Variants in PLEKHA4 observed in about 807,000 individuals in gnomAD.
PLEKHA4 encodes pleckstrin homology domain-containing family A member 4.
In PLEKHA4, 73 loss-of-function variants were observed where a neutral mutation model predicts 94.7. The observed-to-expected ratio is 0.77, with a 90% CI of 0.64 to 0.94. The LOEUF is 0.94. Ranked by LOEUF, PLEKHA4 falls within the 40% of genes least tolerant of loss-of-function variation. The pLI is 0.00. For missense variants in PLEKHA4, 1,049 were observed against 1,054.1 expected (o/e 1.00, Z 0.07); for synonymous variants, 449 against 437.1 (o/e 1.03, Z -0.34).
At chr19:48,852,448 T>G (rs1237779432) in intron 12 of PLEKHA4, 122 bp from the exon 13 acceptor site, 2 of 702,236 alleles carry the variant, frequency 2.8e-6, no homozygotes, top group African/African-American at 3.6e-5. Flanking sequence ...CCTGCAGGCG[T>G]ATGGACTACA....
At chr19:48,848,097 G>A (rs1181018075) in intron 13 of PLEKHA4, 57 bp from the exon 14 acceptor site, 7 of 1,549,096 alleles carry the variant, frequency 4.5e-6, no homozygotes, top group Middle Eastern at 3.6e-4. Flanking sequence ...GAGGGTTTCA[G>A]CTAATAGGCC....
At position 48,845,757 on chromosome 19, in the gene PLEKHA4, G is replaced by A. The variant is rs187236040; in HGVS notation, c.1567-141C>T. The A allele has an allele frequency of 3.7e-4, 242 of 650,396 alleles. No individual in the cohort carries two copies. In the African/African-American group the frequency reaches 3.9e-3, roughly 11 times the overall value. The allele number at this position is 650,396 out of a possible 1,614,324, so 40.3% of individuals were successfully genotyped here. On this transcript the variant is annotated intron_variant, in intron 14 of 19. Coordinates refer to ENST00000263265, the MANE Select transcript of PLEKHA4 (RefSeq NM_020904.3). Reference sequence around the variant, plus strand: ...AGGCCGGGCGCAGTGGCTCACACCTGTAATCCCAGCGCTTTGGGAGGCCGA... The same window carrying A: ...AGGCCGGGCGCAGTGGCTCACACCTATAATCCCAGCGCTTTGGGAGGCCGA...
chr19:48,851,418 A>G (rs949600849), intron 13 of PLEKHA4, among the ~76,000 whole-genome samples: 2 of 151,782 alleles, frequency 1.3e-5, no homozygotes, highest in Admixed American at 1.3e-4. Context: ...GGAATTCAAG[A>G]CCAGCCTGAC....
Position 48,845,358 on chromosome 19 carries a change from C to G in PLEKHA4, c.1743+12G>C. On this transcript the variant is annotated intron_variant, in intron 16 of 19. Coordinates refer to ENST00000263265, the MANE Select transcript of PLEKHA4 (RefSeq NM_020904.3). Reference sequence around the variant, plus strand: ...TCAGATGCAAGGATTACAGGATGGACCTACAGCTTACCTTGGTTCCTAGCT... The same window carrying G: ...TCAGATGCAAGGATTACAGGATGGAGCTACAGCTTACCTTGGTTCCTAGCT... 1 of 1,611,538 alleles carries G rather than the reference C, an allele frequency of 6.2e-7. No homozygotes were observed. The highest frequency in any genetic ancestry group is 2.1e-4 in the Middle Eastern group (1 of 4,724).
chr19:48,848,089 G>A lies in PLEKHA4; in HGVS notation c.1426-49C>T, dbSNP rs563137668. 83 of 1,587,052 alleles carry A rather than the reference G, an allele frequency of 5.2e-5. No individual in the cohort carries two copies. The Admixed American group carries it at 9.7e-4, about 19-fold the overall frequency. On this transcript the variant is annotated intron_variant, in intron 13 of 19. Coordinates refer to ENST00000263265, the MANE Select transcript of PLEKHA4 (RefSeq NM_020904.3). Reference sequence around the variant, plus strand: ...TACTTAAAGGTGGGAAAACGCAGGAGGGTTTCAGCTAATAGGCCCCTGCAA... The same window carrying A: ...TACTTAAAGGTGGGAAAACGCAGGAAGGTTTCAGCTAATAGGCCCCTGCAA...
chr19:48,859,764 A>C, intron 6 of PLEKHA4, 80 bp from the exon 7 acceptor site: 1 of 1,318,080 alleles, frequency 7.6e-7, no homozygotes, highest in Admixed American at 2.2e-5. Flanking sequence ...TGAGAACACA[A>C]GGATGCACCC....
chr19:48,858,807 G>C, intron 8 of PLEKHA4, 53 bp downstream of exon 8: 8 of 1,599,644 alleles, frequency 5.0e-6, no homozygotes, highest in Non-Finnish European at 6.8e-6. Flanking sequence ...CGGAAAGACA[G>C]CCCTGAGGCC....
At chr19:48,849,179 T>TA (rs2036088682) in intron 13 of PLEKHA4, among the ~76,000 whole-genome samples, 1 of 152,178 alleles carries the variant, frequency 6.6e-6, no homozygotes. Context: ...GTGCTGGGAT[T>TA]ACAGGTGTGA....
chr19:48,841,401 A>T, intron 16 of PLEKHA4, 91 bp from the exon 17 acceptor site: 1 of 1,363,230 alleles, frequency 7.3e-7, no homozygotes. Flanking sequence ...CTGAGTAGAG[A>T]GGATCACTTG....
intron 17 of PLEKHA4, among the ~76,000 whole-genome samples, chr19:48,840,292 G>A (rs1294236718): frequency 6.6e-6 from 1 of 151,844 alleles, no homozygotes; most frequent in African/African-American, 2.4e-5. Context: ...GCATATCCCT[G>A]TAGTCCTAGC....
Position 48,847,330 on chromosome 19 carries a change from G to A in PLEKHA4, c.1566+570C>T, listed in dbSNP as rs143897772. ...ACGAGCCTGCGGTCCCAGCTACTCA[G>A]GAAGCTGAAGCAGGAGGATTGCTTG... On this transcript the variant is annotated intron_variant, in intron 14 of 19. Coordinates refer to ENST00000263265, the MANE Select transcript of PLEKHA4 (RefSeq NM_020904.3). Among the ~76,000 whole-genome samples the A allele has an allele frequency of 7.6e-4, 115 of 152,288 alleles. 1 individual carries two copies. The highest frequency in any genetic ancestry group is 2.7e-3 in the African/African-American group (111 of 41,568).
intron 3 of PLEKHA4, among the ~76,000 whole-genome samples, chr19:48,863,794 G>A (rs974914905): frequency 6.6e-6 from 1 of 152,014 alleles, no homozygotes; most frequent in Admixed American, 6.6e-5. Context: ...GGCTTGTCTC[G>A]AACTCTTGAC....
chr19:48,848,071 A>C (rs1424424749), intron 13 of PLEKHA4, 31 bp from the exon 14 acceptor site: 2 of 1,609,870 alleles, frequency 1.2e-6, no homozygotes, highest in Non-Finnish European at 8.5e-7. Context: ...TGTTACTTAA[A>C]GGTGGGAAAA....
At chr19:48,861,815 A>G (rs2036653163) in intron 3 of PLEKHA4, 123 bp from the exon 4 acceptor site, 6 of 895,240 alleles carry the variant, frequency 6.7e-6, no homozygotes, top group Non-Finnish European at 1.1e-5. Context: ...GAACAGAGAC[A>G]TAAAGTAGGG....
intron 12 of PLEKHA4, among the ~76,000 whole-genome samples, chr19:48,852,551 A>G (rs1031949619): frequency 1.3e-5 from 2 of 152,124 alleles, no homozygotes; most frequent in African/African-American, 4.8e-5. Flanking sequence ...GACAAATAAC[A>G]GCATTCCCTG....
Position 48,853,609 on chromosome 19 carries a change from G to A in PLEKHA4, c.1326+73C>T, listed in dbSNP as rs569655398. The A allele has an allele frequency of 3.2e-5, 44 of 1,383,726 alleles. No individual in the cohort carries two copies. The East Asian group carries it at 3.7e-4, about 12-fold the overall frequency. 85.7% of individuals were successfully genotyped at this position (1,383,726 alleles called of 1,614,324 possible). ...ACGATCTTCCTATGAGCCCTCTGGGGCAGGTCCCCTTCGTAACGACTTGCA... is the reference window on the plus strand; with the variant it reads ...ACGATCTTCCTATGAGCCCTCTGGGACAGGTCCCCTTCGTAACGACTTGCA... On this transcript the variant is annotated intron_variant, in intron 12 of 19. Transcript: ENST00000263265.
chr19:48,855,472 C>T (rs1304919394), intron 9 of PLEKHA4, among the ~76,000 whole-genome samples: 1 of 151,888 alleles, frequency 6.6e-6, no homozygotes, highest in Non-Finnish European at 1.5e-5. Flanking sequence ...GGCGTAGTGA[C>T]GGGCGCCTGT....
rs2036889361 is a variant in PLEKHA4 at position 48,867,968 on chromosome 19, C to A, written c.-7+115G>T. 2 of 250,740 alleles carry A rather than the reference C, an allele frequency of 8.0e-6. No homozygotes were observed. The highest frequency in any genetic ancestry group is 2.0e-4 in the South Asian group (2 of 10,130). The allele number at this position is 250,740 out of a possible 1,614,324, so 15.5% of individuals were successfully genotyped here. The stretch of plus-strand genomic sequence containing the variant: ...CTTCCGGCTGCCCCAGGCTACCTGT[C>A]TCCCGCCCTCCCACATGCACCCCCA... On this transcript the variant is annotated intron_variant, in intron 1 of 19. Coordinates refer to ENST00000263265, the MANE Select transcript of PLEKHA4 (RefSeq NM_020904.3). This position sits in a 1 kb window ranked among gnomAD's most constrained non-coding sequence, Gnocchi z 4.7.
At position 48,856,913 on chromosome 19, in the gene PLEKHA4, A is replaced by G. The variant is rs889519504; in HGVS notation, c.1047+509T>C. The stretch of plus-strand genomic sequence containing the variant: ...GACCCCGTCTCAAAAAAAAAAAAAA[A>G]AAAGAAAGAAAGAAAGAAAAGAAAA... On this transcript the variant is annotated intron_variant, in intron 9 of 19. Transcript: ENST00000263265. Among the ~76,000 whole-genome samples the G allele has an allele frequency of 1.8e-3, 227 of 129,050 alleles. 1 individual carries two copies. Among genetic ancestry groups the G allele is most frequent in the Non-Finnish European group, 1.7e-3 (111 of 64,578 alleles). The allele number at this position is 129,050 out of a possible 152,430, so 84.7% of individuals were successfully genotyped here.
Sources: gnomAD v4.1 joint callset for allele counts (sites outside exome capture counted in the v4.1 genomes callset) on GRCh38, gnomAD v4.1.1 for gene constraint, Gnocchi (gnomAD v3.1) non-coding constraint, MANE v1.5 for transcripts, NCBI Gene and HGNC (gene_info 2026-07-23, HGNC 2026-07-21) for gene names.